COL7A1: variants seen among roughly 807,000 people sequenced by gnomAD.
COL7A1 encodes collagen alpha-1(VII) chain.
COL7A1 carries 296 observed loss-of-function variants against 456.2 expected under a neutral mutation model. The observed-to-expected ratio is 0.65, with a 90% CI of 0.59 to 0.71. The LOEUF (loss-of-function observed/expected upper bound fraction) is 0.71. COL7A1 is among the 30% of genes least tolerant of loss of function. COL7A1 has a pLI of 0.00. For missense variants in COL7A1, 3,441 were observed against 4,017.2 expected (o/e 0.86, Z 3.88); for synonymous variants, 1,464 against 1,525.9 (o/e 0.96, Z 0.95).
chr3:48,565,015 G>A lies in COL7A1; in HGVS notation c.8621-35C>T. 3 of 1,613,856 alleles carry A rather than the reference G, an allele frequency of 1.9e-6. No homozygotes were observed. Among genetic ancestry groups the A allele is most frequent in the Non-Finnish European group, 1.7e-6 (2 of 1,179,782 alleles). Reference sequence around the variant, plus strand: ...TGGGGTCAAGTCAGCAGGGTTTGTGGGAATCAGAGAGGGTTGAAAGGTCAG... The same window carrying A: ...TGGGGTCAAGTCAGCAGGGTTTGTGAGAATCAGAGAGGGTTGAAAGGTCAG... On this transcript the variant is annotated intron_variant, in intron 117 of 118. Transcript: ENST00000681320. The surrounding 1 kb of genome is among the most constrained non-coding windows in gnomAD (Gnocchi z 4.5).
chr3:48,593,848 C>T lies in COL7A1; in HGVS notation c.267-152G>A, dbSNP rs185435762. On this transcript the variant is annotated intron_variant, in intron 3 of 118. Transcript: ENST00000681320. This position sits in a 1 kb window ranked among gnomAD's most constrained non-coding sequence, Gnocchi z 4.4. ...TCTCCACACCCACTTGCCTCTGGAA[C>T]CCCCAGGTTAACAAACTCCCCAGGG... The T allele has an allele frequency of 2.2e-5, 21 of 973,318 alleles. No homozygotes were observed. In the African/African-American group the frequency reaches 3.4e-4, roughly 16 times the overall value. The allele number at this position is 973,318 out of a possible 1,614,324, so 60.3% of individuals were successfully genotyped here. A position where few individuals can be genotyped will look rare whatever the true frequency, so the allele number is the denominator to read the frequency against.
In COL7A1 at chr3:48,567,902, A is replaced by G; in HGVS notation, c.7876-11T>C. 1 of 1,614,090 alleles carries G rather than the reference A, an allele frequency of 6.2e-7. No homozygotes were observed. The highest frequency in any genetic ancestry group is 8.5e-7 in the Non-Finnish European group (1 of 1,180,004). ...CACTCCCCGTTCACCCTGAGGGAGA[A>G]AAGCAGATGAAGAAGTGATTCCCAG... On this transcript the variant is annotated splice_polypyrimidine_tract_variant and intron_variant, in intron 106 of 118. Coordinates refer to ENST00000681320, the MANE Select transcript of COL7A1 (RefSeq NM_000094.4). The surrounding 1 kb of genome is among the most constrained non-coding windows in gnomAD (Gnocchi z 4.3).
At position 48,572,713 on chromosome 3, in the gene COL7A1, G is replaced by A. The variant is rs745766922; in HGVS notation, c.6858C>T (p.Val2286=). 26 of 1,608,802 alleles carry A rather than the reference G, an allele frequency of 1.6e-5. No homozygotes were observed. Among genetic ancestry groups the A allele is most frequent in the South Asian group, 5.5e-5 (5 of 90,342 alleles). Residue 2286 remains valine, a synonymous_variant, in exon 88 of 119, where the codon GTC becomes GTT. Coordinates refer to ENST00000681320, the MANE Select transcript of COL7A1 (RefSeq NM_000094.4). This position sits in a 1 kb window ranked among gnomAD's most constrained non-coding sequence, Gnocchi z 4.6. ...TGGGGCCAGGTTCTCCTTTAGGTCC[G>A]ACAGGGCCAGGCAGACCTGGTGACC... ...VPGSPGLPGP[V]GPKGEPGPTG... is the part of the protein sequence containing the mutation.
At position 48,572,277 on chromosome 3, in the gene COL7A1, T is replaced by G; in HGVS notation, c.6978+103A>C. 6.2e-7 allele frequency: 1 copy of G among 1,611,226 alleles called. No individual in the cohort carries two copies. Among genetic ancestry groups the G allele is most frequent in the South Asian group, 1.1e-5 (1 of 91,030 alleles). ...TAAATATGCGGTCTACTATGAAAGC[T>G]GAGGGTCATGAGGGTGGGTAAACTA... On this transcript the variant is annotated intron_variant, in intron 90 of 118. Transcript: ENST00000681320. This position sits in a 1 kb window ranked among gnomAD's most constrained non-coding sequence, Gnocchi z 4.6.
chr3:48,566,664 T>A lies in COL7A1; in HGVS notation c.8300A>T (p.Glu2767Val). 1 of 1,613,948 alleles carries A rather than the reference T, an allele frequency of 6.2e-7. No homozygotes were observed. The part of the protein sequence containing the change: ...GVPGAPGERG[E>V]QGRPGPAGPR... ...AGCCTTGGAATCCCTACTCACCTGC[T>A]CCCCTCTCTCGCCAGGAGCTCCAGG... Residue 2767 changes from glutamate (E) to valine (V), a missense_variant, in exon 112 of 119, where the codon GAG (glutamate) becomes GTG (valine). Glu to Val is a moderately radical substitution (Grantham distance 121). This residue lies in a region of COL7A1 where 2,084 missense variants were observed against 2,501.3 expected (regional missense o/e 0.83). Transcript: ENST00000681320. This position sits in a 1 kb window ranked among gnomAD's most constrained non-coding sequence, Gnocchi z 5.9.
In COL7A1 at chr3:48,565,689, TAG is replaced by T; in HGVS notation, c.8408-23_8408-22del. The T allele has an allele frequency of 6.2e-7, 1 of 1,606,856 alleles. No homozygotes were observed. Among genetic ancestry groups the T allele is most frequent in the Non-Finnish European group, 8.5e-7 (1 of 1,176,316 alleles). Reference sequence around the variant, plus strand: ...GCAGGCTAGAGGGGGCAGAGAGGGATAGAGAGACAATGACAGAGAGAAGGATG... The same window carrying T: ...GCAGGCTAGAGGGGGCAGAGAGGGATAGAGACAATGACAGAGAGAAGGATG... On this transcript the variant is annotated intron_variant, in intron 114 of 118. Coordinates refer to ENST00000681320, the MANE Select transcript of COL7A1 (RefSeq NM_000094.4). This position sits in a 1 kb window ranked among gnomAD's most constrained non-coding sequence, Gnocchi z 4.5.
chr3:48,567,127 C>T lies in COL7A1; in HGVS notation c.8109+1G>A, dbSNP rs1050797523. The T allele has an allele frequency of 1.2e-6, 2 of 1,613,950 alleles. No homozygotes were observed. The highest frequency in any genetic ancestry group is 1.3e-5 in the African/African-American group (1 of 74,864). ...TCACCATGACCATGGCTTCAACTCA[C>T]CCGCTCCCCTTTCTCGCCCTGGTCA... On this transcript the variant is annotated splice_donor_variant, in intron 110 of 118. Coordinates refer to ENST00000681320, the MANE Select transcript of COL7A1 (RefSeq NM_000094.4). LOFTEE classifies it high-confidence loss of function. The surrounding 1 kb of genome is among the most constrained non-coding windows in gnomAD (Gnocchi z 4.3).
chr3:48,586,192 C>T lies in COL7A1; in HGVS notation c.3605G>A (p.Arg1202His), dbSNP rs149011081. 3,451 of 1,613,376 alleles carry T rather than the reference C, an allele frequency of 2.1e-3. 2 individuals carry two copies. The highest frequency in any genetic ancestry group is 2.5e-3 in the Non-Finnish European group (2,964 of 1,180,034). The change falls in exon 28 of 119, where the codon CGC becomes CAC. Residue 1202 changes from arginine (R) to histidine (H), a missense_variant. Coordinates refer to ENST00000681320, the MANE Select transcript of COL7A1 (RefSeq NM_000094.4). The surrounding 1 kb of genome is among the most constrained non-coding windows in gnomAD (Gnocchi z 5.1). ...MAGADPEQLR[R>H]LAPGMDSVQT... is the part of the protein sequence containing the mutation. ...GACAGAGTCCATACCCGGCGCCAAG[C>T]GACGCAGCTGCTCTGGGTCCGCTCC...
chr3:48,593,319 C>T lies in COL7A1; in HGVS notation c.520+37G>A. On this transcript the variant is annotated intron_variant, in intron 5 of 118. Coordinates refer to ENST00000681320, the MANE Select transcript of COL7A1 (RefSeq NM_000094.4). This position sits in a 1 kb window ranked among gnomAD's most constrained non-coding sequence, Gnocchi z 4.4. Reference sequence around the variant, plus strand: ...CCCACATGCTCTCTGACTGCCCCCACCCCCCAGCTGACCTGTCACTCCTGC... The same window carrying T: ...CCCACATGCTCTCTGACTGCCCCCATCCCCCAGCTGACCTGTCACTCCTGC... 6.2e-7 allele frequency: 1 copy of T among 1,613,556 alleles called. No homozygotes were observed. Among genetic ancestry groups the T allele is most frequent in the Non-Finnish European group, 8.5e-7 (1 of 1,179,718 alleles).
In COL7A1 at chr3:48,585,809, C is replaced by G; in HGVS notation, c.3786+21G>C. 6.2e-7 allele frequency: 1 copy of G among 1,614,074 alleles called. No homozygotes were observed. The highest frequency in any genetic ancestry group is 2.2e-5 in the East Asian group (1 of 44,870). The stretch of plus-strand genomic sequence containing the variant: ...CTGACACTCAACCCATTCTCTATTC[C>G]CCGCCCGCAGGGGCACTCACCATCT... On this transcript the variant is annotated intron_variant, in intron 30 of 118. Coordinates refer to ENST00000681320, the MANE Select transcript of COL7A1 (RefSeq NM_000094.4). This position sits in a 1 kb window ranked among gnomAD's most constrained non-coding sequence, Gnocchi z 4.5.
chr3:48,580,179 G>A lies in COL7A1; in HGVS notation c.5097+121C>T. ...AGCACCCCAATGCCAGCCCCCAGCAGGCATGGGTGGCCATCCATGCTTCCC... is the reference window on the plus strand; with the variant it reads ...AGCACCCCAATGCCAGCCCCCAGCAAGCATGGGTGGCCATCCATGCTTCCC... On this transcript the variant is annotated intron_variant, in intron 56 of 118. Coordinates refer to ENST00000681320, the MANE Select transcript of COL7A1 (RefSeq NM_000094.4). The surrounding 1 kb of genome is among the most constrained non-coding windows in gnomAD (Gnocchi z 4.5). The A allele has an allele frequency of 6.6e-7, 1 of 1,525,602 alleles. No individual in the cohort carries two copies. Among genetic ancestry groups the A allele is most frequent in the Non-Finnish European group, 9.0e-7 (1 of 1,112,604 alleles). The allele number at this position is 1,525,602 out of a possible 1,614,324, so 94.5% of individuals were successfully genotyped here.
chr3:48,565,189 G>T lies in COL7A1; in HGVS notation c.8540C>A (p.Pro2847His), dbSNP rs747790197. ...SHAEEEERVP[P>H]EDDEYSEYSE... is the part of the protein sequence containing the mutation. Reference sequence around the variant, plus strand: ...GTATTCAGAGTACTCATCATCCTCAGGGGGTACCCGCTCTGCAGGTAGGGC... The same window carrying T: ...GTATTCAGAGTACTCATCATCCTCATGGGGTACCCGCTCTGCAGGTAGGGC... The change falls in exon 117 of 119, where the codon CCT (proline) becomes CAT (histidine). Residue 2847 changes from proline to histidine, a missense_variant. Physicochemically the swap from Pro to His is moderately conservative, Grantham distance 77. Around this residue, in one of 3 missense-constraint regions of COL7A1, gnomAD observed 2,084 missense variants for 2,501.3 expected, o/e 0.83. Transcript: ENST00000681320. This position sits in a 1 kb window ranked among gnomAD's most constrained non-coding sequence, Gnocchi z 4.5. 4.9e-5 allele frequency: 79 copies of T among 1,613,604 alleles called. No individual in the cohort carries two copies. The highest frequency in any genetic ancestry group is 6.5e-5 in the Non-Finnish European group (77 of 1,179,816).
rs1480790865 is a variant in COL7A1 at position 48,586,951 on chromosome 3, C to T, written c.3276+21G>A. The T allele has an allele frequency of 5.1e-6, 8 of 1,576,072 alleles. No individual in the cohort carries two copies. Among genetic ancestry groups the T allele is most frequent in the Non-Finnish European group, 6.0e-6 (7 of 1,160,882 alleles). ...GGGGGGCCTCAGGGAGAGGTAGAATCTGGCTGCCCCAGGGCCAAACCTGAA... is the reference window on the plus strand; with the variant it reads ...GGGGGGCCTCAGGGAGAGGTAGAATTTGGCTGCCCCAGGGCCAAACCTGAA... On this transcript the variant is annotated intron_variant, in intron 25 of 118. Transcript: ENST00000681320. This position sits in a 1 kb window ranked among gnomAD's most constrained non-coding sequence, Gnocchi z 5.1.
intron 65 of COL7A1, among the ~76,000 whole-genome samples, chr3:48,577,445 T>C (rs535877083): frequency 2.8e-4 from 42 of 152,348 alleles, no homozygotes; most frequent in African/African-American, 9.6e-4. Flanking sequence ...CCAAAGAGCA[T>C]GGGCTTATAC....
Position 48,569,574 on chromosome 3 carries a change from A to G in COL7A1, c.7614+18T>C. 1 of 1,613,562 alleles carries G rather than the reference A, an allele frequency of 6.2e-7. No homozygotes were observed. On this transcript the variant is annotated intron_variant, in intron 102 of 118. Transcript: ENST00000681320. The surrounding 1 kb of genome is among the most constrained non-coding windows in gnomAD (Gnocchi z 4.9). Reference sequence around the variant, plus strand: ...CTCGCACCCAGGGGAGACCCAGTCCACACGTGGGCCCACTCACCATGTCCC... The same window carrying G: ...CTCGCACCCAGGGGAGACCCAGTCCGCACGTGGGCCCACTCACCATGTCCC...
In COL7A1 at chr3:48,589,325, ACCAGTCCT is replaced by A. The variant is rs1559428850; in HGVS notation, c.2308_2314+1del. The A allele has an allele frequency of 1.2e-6, 2 of 1,612,394 alleles. No individual in the cohort carries two copies. The highest frequency in any genetic ancestry group is 1.7e-6 in the Non-Finnish European group (2 of 1,179,950). ...GCTAGTAGCTGGCCAGGGTCCACTC[ACCAGTCCT>A]CACAACCACAGAGGCAGGGGGCCCA... is the stretch of plus-strand genomic sequence containing the variant. On this transcript the variant is annotated splice_donor_variant and coding_sequence_variant, in exon 18 of 119. Transcript: ENST00000681320. LOFTEE classifies it high-confidence loss of function.
Position 48,575,081 on chromosome 3 carries a change from CG to C in COL7A1, c.6261del (p.Gly2088AspfsTer118), listed in dbSNP as rs759377024. On this transcript the variant is annotated frameshift_variant, in exon 76 of 119. Transcript: ENST00000681320. LOFTEE classifies it high-confidence loss of function. The surrounding 1 kb of genome is among the most constrained non-coding windows in gnomAD (Gnocchi z 6.3). ...GTGATCACCTTGGGGCCAGGGGGTC[CG>C]GGGGGCCCAGGGGTTCCAGGGAGTC... ...PPGLPGTPGPPGPPGPKVSVD... is the reference protein window; with the variant it reads ...PPGLPGTPGPXGPPGPKVSVD... 2 of 1,613,330 alleles carry C rather than the reference CG, an allele frequency of 1.2e-6. No individual in the cohort carries two copies. The highest frequency in any genetic ancestry group is 2.2e-5 in the East Asian group (1 of 44,862).
rs1264194 is a variant in COL7A1, at chr3:48,587,833, T to C, written c.2817A>G (p.Pro939=). 0.7 allele frequency: 1,133,923 copies of C among 1,613,022 alleles called. 403,919 individuals carry two copies. The highest frequency in any genetic ancestry group is 0.91 in the African/African-American group (67,939 of 74,924). ...CCTCTGCAGAGGGCCCTTCTCCAGC[T>C]GGCCCTAGGACACTCAGCCTCACGC... ...QYRVRLSVLG[P]AGEGPSAEVT... is the part of the protein sequence containing the mutation. Residue 939 remains proline, a synonymous_variant, in exon 22 of 119, where the codon CCA becomes CCG. Transcript: ENST00000681320. This position sits in a 1 kb window ranked among gnomAD's most constrained non-coding sequence, Gnocchi z 6.1.
rs1169044568 is a variant in COL7A1, at chr3:48,588,412, G to A, written c.2588-8C>T. On this transcript the variant is annotated splice_region_variant and splice_polypyrimidine_tract_variant and intron_variant, in intron 20 of 118. Transcript: ENST00000681320. This position sits in a 1 kb window ranked among gnomAD's most constrained non-coding sequence, Gnocchi z 4.6. The stretch of plus-strand genomic sequence containing the variant: ...CTGGCGGAGCCTCAGGCGCTGGAGA[G>A]AAAGCTCAGGAATCAGGGAGGCTCT... 1 of 1,607,628 alleles carries A rather than the reference G, an allele frequency of 6.2e-7. No homozygotes were observed. The highest frequency in any genetic ancestry group is 1.7e-5 in the Admixed American group (1 of 59,896).
Sources: gnomAD v4.1 joint callset for allele counts (sites outside exome capture counted in the v4.1 genomes callset) on GRCh38, gnomAD v4.1.1 for gene constraint, gnomAD v4.1.1 regional missense constraint, Gnocchi (gnomAD v3.1) non-coding constraint, MANE v1.5 for transcripts, NCBI Gene and HGNC (gene_info 2026-07-23, HGNC 2026-07-21) for gene names.